Variants in CTNNA2 observed in about 807,000 individuals in gnomAD.
The protein encoded by CTNNA2 is catenin alpha 2.
CTNNA2 carries 42 observed loss-of-function variants against 101.0 expected under a neutral mutation model. The observed-to-expected ratio is 0.42, with a 90% CI of 0.32 to 0.54. The LOEUF (loss-of-function observed/expected upper bound fraction) is 0.54. Ranked by LOEUF, CTNNA2 falls within the 20% of genes least tolerant of loss-of-function variation. The pLI is 0.14. For missense variants in CTNNA2, 871 were observed against 1,223.1 expected (o/e 0.71, Z 4.29); for synonymous variants, 450 against 456.4 (o/e 0.99, Z 0.18).
intron 6 of CTNNA2, among the ~76,000 whole-genome samples, chr2:79,906,305 C>T (rs1685419591): frequency 6.6e-6 from 1 of 151,960 alleles, no homozygotes; most frequent in Non-Finnish European, 1.5e-5. Flanking sequence ...CACACACACA[C>T]ACACACAGAC....
chr2:79,281,232 G>C (rs1675372660), intron 2 of CTNNA2, among the ~76,000 whole-genome samples: 1 of 152,062 alleles, frequency 6.6e-6, no homozygotes. Context: ...GCAAAGCAAA[G>C]CATTAATCAG....
In CTNNA2 at chr2:80,407,005, TG is replaced by T. The variant is rs780796638; in HGVS notation, c.1138-12440del. ...CCAAATCAGCAGGAAATTCATGATT[TG>T]GGGTCCAGTCCAGGTCAGAACACCT... On this transcript the variant is annotated intron_variant, in intron 8 of 18. Transcript: ENST00000402739. Among the ~76,000 whole-genome samples, 16 of 152,122 alleles carry T rather than the reference TG, an allele frequency of 1.1e-4. No homozygotes were observed. The South Asian group carries it at 3.3e-3, about 32-fold the overall frequency.
At chr2:79,969,562 A>C (rs1479088033) in intron 7 of CTNNA2, among the ~76,000 whole-genome samples, 1 of 152,224 alleles carries the variant, frequency 6.6e-6, no homozygotes, top group East Asian at 1.9e-4. Context: ...GAATGTTTCC[A>C]AATAAATTGA....
chr2:79,853,932 T>A (rs1381289998), intron 3 of CTNNA2, among the ~76,000 whole-genome samples: 2 of 140,394 alleles, frequency 1.4e-5, no homozygotes, highest in Non-Finnish European at 3.3e-5. Flanking sequence ...CCTTCCAAAG[T>A]GCTGGGATTA....
chr2:80,300,284 GTGTGTGTGTGTGTGTGTGTGT>G (rs1676154771), intron 7 of CTNNA2, among the ~76,000 whole-genome samples: 3 of 12,090 alleles, frequency 2.5e-4, no homozygotes, highest in Non-Finnish European at 4.1e-4. Context: ...GTGTTGGGGT[GTGTGTGTGTGTGTGTGTGTGT>G]GTGTGTGTGT....
At chr2:79,495,591 G>C (rs1353221783) in intron 4 of CTNNA2, among the ~76,000 whole-genome samples, 1 of 152,102 alleles carries the variant, frequency 6.6e-6, no homozygotes, top group African/African-American at 2.4e-5. Flanking sequence ...GAGTTACCAC[G>C]TGACCAGGCA....
intron 3 of CTNNA2, among the ~76,000 whole-genome samples, chr2:79,763,993 C>T (rs1672971471): frequency 6.6e-6 from 1 of 152,230 alleles, no homozygotes; most frequent in Admixed American, 6.5e-5. Context: ...ACTCCCCTCC[C>T]TGCATGAAGA....
chr2:79,915,993 A>C (rs1444360502), intron 7 of CTNNA2, among the ~76,000 whole-genome samples: 1 of 152,204 alleles, frequency 6.6e-6, no homozygotes, highest in Non-Finnish European at 1.5e-5. Context: ...GAAGCATGAA[A>C]AAGACTGAGT....
At chr2:79,953,266 C>A (rs2104502282) in intron 7 of CTNNA2, among the ~76,000 whole-genome samples, 1 of 152,278 alleles carries the variant, frequency 6.6e-6, no homozygotes. Context: ...TGAAGCATTT[C>A]TTTCACTGTA....
chr2:80,181,924 A>G (rs1353907188), intron 7 of CTNNA2, among the ~76,000 whole-genome samples: 2 of 152,204 alleles, frequency 1.3e-5, no homozygotes, highest in African/African-American at 2.4e-5. Flanking sequence ...AGAAGCCCCC[A>G]AATCAACTAA....
chr2:79,692,025 G>T (rs893112951), intron 2 of CTNNA2, among the ~76,000 whole-genome samples: 11 of 152,126 alleles, frequency 7.2e-5, no homozygotes, highest in African/African-American at 2.7e-4. Context: ...TGACAAATGG[G>T]ATCTAATTAA....
At chr2:80,476,844 A>G (rs1253030619) in intron 9 of CTNNA2, among the ~76,000 whole-genome samples, 1 of 152,168 alleles carries the variant, frequency 6.6e-6, no homozygotes, top group Non-Finnish European at 1.5e-5. Context: ...CAGAGGGTGG[A>G]CTTATGACTT....
intron 9 of CTNNA2, among the ~76,000 whole-genome samples, chr2:80,423,880 C>T (rs1458853620): frequency 6.6e-6 from 1 of 152,120 alleles, no homozygotes. Flanking sequence ...AAAGGTGGCC[C>T]CTCTTATCAG....
In CTNNA2 at chr2:80,104,817, C is replaced by A. The variant is rs550114219; in HGVS notation, c.1056+195020C>A. 2.6e-5 allele frequency among the ~76,000 whole-genome samples: 4 copies of A among 152,274 alleles called. No homozygotes were observed. In the East Asian group the frequency reaches 5.8e-4, roughly 22 times the overall value. On this transcript the variant is annotated intron_variant, in intron 7 of 18. Transcript: ENST00000402739. The stretch of plus-strand genomic sequence containing the variant: ...TTATGCATTTTAAAGTGTTTTTAAA[C>A]CCTTGGGTAGCTATAGTCAATTTTT...
intron 2 of CTNNA2, among the ~76,000 whole-genome samples, chr2:79,275,166 A>G (rs535935400): frequency 3.3e-5 from 5 of 152,198 alleles, no homozygotes; most frequent in African/African-American, 1.2e-4. Context: ...CACAGAAGAA[A>G]TGGTTGTGTT....
At chr2:80,360,356 T>A (rs1168904696) in intron 7 of CTNNA2, among the ~76,000 whole-genome samples, 2 of 152,150 alleles carry the variant, frequency 1.3e-5, no homozygotes, top group African/African-American at 4.8e-5. Context: ...TGGAGGTAGC[T>A]ATTAGGGTAC....
chr2:80,560,790 C>G (rs1693515625), intron 12 of CTNNA2, among the ~76,000 whole-genome samples: 1 of 152,092 alleles, frequency 6.6e-6, no homozygotes, highest in Admixed American at 6.6e-5. Flanking sequence ...ATGGTATGTC[C>G]TCTTCAGTGT....
intron 2 of CTNNA2, among the ~76,000 whole-genome samples, chr2:79,701,726 A>G (rs1685013719): frequency 6.6e-6 from 1 of 152,130 alleles, no homozygotes; most frequent in African/African-American, 2.4e-5. Context: ...TGTAGGCCGG[A>G]CATGATGGCT....
intron 7 of CTNNA2, among the ~76,000 whole-genome samples, chr2:80,264,846 C>G (rs78578196): frequency 0.011 from 1,667 of 152,010 alleles, 35 homozygotes; most frequent in African/African-American, 0.038. Flanking sequence ...TTTGTAGGAA[C>G]AGATTGAAAA....
Sources: allele counts gnomAD v4.1 joint callset (sites outside exome capture counted in the v4.1 genomes callset), GRCh38; gene constraint gnomAD v4.1.1; transcripts MANE v1.5; gene names NCBI Gene and HGNC (gene_info 2026-07-23, HGNC 2026-07-21).